SRGAP3: variants seen among roughly 807,000 people sequenced by gnomAD.
SRGAP3 encodes SLIT-ROBO Rho GTPase-activating protein 3.
In SRGAP3, 39 loss-of-function variants were observed where a neutral mutation model predicts 121.1. The ratio of observed to expected loss-of-function variants is 0.32; its 90% CI spans 0.25 to 0.42. The LOEUF (loss-of-function observed/expected upper bound fraction) is 0.42. Ranked by LOEUF, SRGAP3 falls within the 10% of genes least tolerant of loss-of-function variation. The probability of loss-of-function intolerance (pLI) is 1.00; values close to 1 mark genes in which losing one functional copy is unlikely to be tolerated. For missense variants in SRGAP3, 1,213 were observed against 1,470.6 expected (o/e 0.82, Z 2.86); for synonymous variants, 601 against 570.0 (o/e 1.05, Z -0.77).
intron 3 of SRGAP3, among the ~76,000 whole-genome samples, chr3:9,312,897 C>T (rs1037308371): frequency 3.3e-5 from 5 of 152,132 alleles, no homozygotes; most frequent in Non-Finnish European, 5.9e-5. Context: ...GAGACTGAGG[C>T]AGGGGGATCA....
intron 2 of SRGAP3, among the ~76,000 whole-genome samples, chr3:9,119,013 C>G (rs1475061570): frequency 6.6e-6 from 1 of 152,178 alleles, no homozygotes; most frequent in Admixed American, 6.5e-5. Flanking sequence ...CAGTAACAAC[C>G]AGGTGCCAGC....
At chr3:9,352,420 C>A (rs2030232272) in intron 1 of SRGAP3, among the ~76,000 whole-genome samples, 1 of 151,950 alleles carries the variant, frequency 6.6e-6, no homozygotes, top group African/African-American at 2.4e-5. Context: ...ATTACAGGCA[C>A]GCATCACTAC....
intron 21 of SRGAP3, among the ~76,000 whole-genome samples, chr3:8,987,155 T>C (rs920334411): frequency 2.6e-5 from 4 of 152,260 alleles, no homozygotes; most frequent in African/African-American, 9.6e-5. Context: ...ATGGATGTGA[T>C]GAAGCTTTGT....
At chr3:9,152,088 G>A (rs749725008) in intron 1 of SRGAP3, among the ~76,000 whole-genome samples, 3 of 152,202 alleles carry the variant, frequency 2.0e-5, no homozygotes, top group Admixed American at 6.5e-5. Flanking sequence ...CTCTCCATGA[G>A]GGCAGGGATC....
intron 1 of SRGAP3, among the ~76,000 whole-genome samples, chr3:9,140,339 T>C (rs1036321639): frequency 3.3e-5 from 5 of 152,182 alleles, no homozygotes; most frequent in African/African-American, 4.8e-5. Flanking sequence ...GCCCATAATA[T>C]ATTGTTAAAT....
chr3:9,049,872 C>A (rs1945481971), intron 9 of SRGAP3, among the ~76,000 whole-genome samples: 1 of 151,400 alleles, frequency 6.6e-6, no homozygotes, highest in African/African-American at 2.4e-5. Context: ...CTCCCAGGCT[C>A]AAGCCATGCT....
chr3:9,019,845 C>A (rs1016853724), intron 14 of SRGAP3, among the ~76,000 whole-genome samples: 29 of 152,196 alleles, frequency 1.9e-4, no homozygotes, highest in African/African-American at 6.5e-4. Context: ...CATGGTGGCC[C>A]AGACACAGGT....
chr3:9,142,402 A>G, intron 1 of SRGAP3, among the ~76,000 whole-genome samples: 1 of 152,212 alleles, frequency 6.6e-6, no homozygotes, highest in South Asian at 2.1e-4. Flanking sequence ...ACATCTCCCA[A>G]TGTCGTAGCA....
rs945685605 is a variant in SRGAP3 at position 8,991,096 on chromosome 3, G to A, written c.2559-257C>T. 4.6e-5 allele frequency among the ~76,000 whole-genome samples: 7 copies of A among 152,156 alleles called. No individual in the cohort carries two copies. In the East Asian group the frequency reaches 9.6e-4, roughly 21 times the overall value. On this transcript the variant is annotated intron_variant, in intron 20 of 21. Transcript: ENST00000383836. ...CTTCCAGGCCACAGACAGCTGTGCC[G>A]CCAACCGCAAAATGCATCTGGTCTA...
chr3:9,351,590 C>A (rs1264284081), intron 1 of SRGAP3, among the ~76,000 whole-genome samples: 3 of 152,150 alleles, frequency 2.0e-5, no homozygotes, highest in Non-Finnish European at 4.4e-5. Context: ...TCATGTGCTG[C>A]GTAACAAAGT....
rs901325183 is a variant in SRGAP3 at position 9,021,770 on chromosome 3, G to A, written c.1678+3491C>T. ...ACTGGTGAAGAATGGGCACCCTGCA[G>A]GAATTAGAGGATTTAAATTTTAAAA... On this transcript the variant is annotated intron_variant, in intron 14 of 21. Transcript: ENST00000383836. 3.9e-5 allele frequency among the ~76,000 whole-genome samples: 6 copies of A among 152,332 alleles called. No individual in the cohort carries two copies. In the South Asian group the frequency reaches 1.0e-3, roughly 26 times the overall value.
At chr3:9,032,193 C>A (rs1390939890) in intron 12 of SRGAP3, among the ~76,000 whole-genome samples, 1 of 151,866 alleles carries the variant, frequency 6.6e-6, no homozygotes, top group African/African-American at 2.4e-5. Context: ...ATATATGCAA[C>A]TAAAAAAAAA....
chr3:9,341,840 A>G (rs1278569013), intron 1 of SRGAP3, among the ~76,000 whole-genome samples: 4 of 152,126 alleles, frequency 2.6e-5, no homozygotes, highest in Non-Finnish European at 5.9e-5. Flanking sequence ...TCTGGTAGAC[A>G]TGGATTGAAG....
intron 2 of SRGAP3, among the ~76,000 whole-genome samples, chr3:9,108,265 C>T (rs939342220): frequency 1.6e-4 from 25 of 152,108 alleles, no homozygotes; most frequent in African/African-American, 5.8e-4. Flanking sequence ...CTGGGGGTAG[C>T]GCGTGGTACT....
intron 18 of SRGAP3, among the ~76,000 whole-genome samples, chr3:8,995,314 A>AT (rs1224080286): frequency 6.6e-6 from 1 of 151,714 alleles, no homozygotes; most frequent in African/African-American, 2.4e-5. Flanking sequence ...TCCAAAAAAA[A>AT]ATTTTTTTTT....
At chr3:9,170,480 C>A (rs1457023315) in intron 1 of SRGAP3, among the ~76,000 whole-genome samples, 1 of 152,178 alleles carries the variant, frequency 6.6e-6, no homozygotes. Context: ...CACACTCTCA[C>A]ACAACAGAAG....
chr3:9,167,278 T>A (rs767404835), intron 1 of SRGAP3, among the ~76,000 whole-genome samples: 1 of 152,116 alleles, frequency 6.6e-6, no homozygotes, highest in African/African-American at 2.4e-5. Flanking sequence ...ACAATTCCAA[T>A]TTGGATCAAG....
chr3:9,354,100 G>T (rs961752444), intron 1 of SRGAP3, among the ~76,000 whole-genome samples: 1 of 148,892 alleles, frequency 6.7e-6, no homozygotes, highest in Non-Finnish European at 1.5e-5. Context: ...AACTACATTG[G>T]GTTGTAGCTA....
In SRGAP3 at chr3:9,092,256, A is replaced by G. The variant is rs879006861; in HGVS notation, c.424-12169T>C. 2.6e-5 allele frequency among the ~76,000 whole-genome samples: 4 copies of G among 152,030 alleles called. No homozygotes were observed. In the Admixed American group the frequency reaches 2.6e-4, roughly 10 times the overall value. ...GAATGGTTATGAAAAGTGACCTGAC[A>G]TGGTCAGGCTAGGAGTTTCTGGATC... On this transcript the variant is annotated intron_variant, in intron 3 of 21. Coordinates refer to ENST00000383836, the MANE Select transcript of SRGAP3 (RefSeq NM_014850.4).
Sources: allele counts gnomAD v4.1 joint callset (sites outside exome capture counted in the v4.1 genomes callset), GRCh38; gene constraint gnomAD v4.1.1; transcripts MANE v1.5; gene names NCBI Gene and HGNC (gene_info 2026-07-23, HGNC 2026-07-21).